Variants in CEP85L observed in about 807,000 individuals in gnomAD.
CEP85L encodes centrosomal protein 85L.
In CEP85L, 60 loss-of-function variants were observed where a neutral mutation model predicts 100.3. The observed-to-expected ratio is 0.60, with a 90% CI of 0.49 to 0.74. CEP85L has a LOEUF of 0.74. CEP85L is among the 30% of genes least tolerant of loss of function. CEP85L has a pLI of 0.00. For missense variants in CEP85L, 973 were observed against 936.2 expected (o/e 1.04, Z -0.51); for synonymous variants, 319 against 322.7 (o/e 0.99, Z 0.12).
chr6:118,614,445 G>A (rs1395162173), intron 2 of CEP85L, among the ~76,000 whole-genome samples: 1 of 152,188 alleles, frequency 6.6e-6, no homozygotes, highest in Non-Finnish European at 1.5e-5. Context: ...CTTATTTATA[G>A]ACAATGTGAT....
upstream of CEP85L, among the ~76,000 whole-genome samples, chr6:118,656,130 A>G (rs944585555): frequency 2.0e-5 from 3 of 152,220 alleles, no homozygotes; most frequent in Non-Finnish European, 4.4e-5. Flanking sequence ...GCGGTGGTAT[A>G]TGGTTTTCTT....
chr6:118,638,031 A>G (rs1200409211), intron 1 of CEP85L, among the ~76,000 whole-genome samples: 2 of 152,036 alleles, frequency 1.3e-5, no homozygotes, highest in East Asian at 1.9e-4. Context: ...ACTCCCATAC[A>G]CTGATAATGG....
At chr6:118,605,958 G>A (rs568575430) in intron 2 of CEP85L, among the ~76,000 whole-genome samples, 1 of 147,078 alleles carries the variant, frequency 6.8e-6, no homozygotes, top group Non-Finnish European at 1.5e-5. Flanking sequence ...AGGTTGCGGT[G>A]AGCCAAGATC....
At chr6:118,631,917 T>C (rs1774181045) in intron 2 of CEP85L, among the ~76,000 whole-genome samples, 1 of 152,204 alleles carries the variant, frequency 6.6e-6, no homozygotes, top group Non-Finnish European at 1.5e-5. Context: ...CTTAAAACTG[T>C]ATATAAATCT....
intron 2 of CEP85L, among the ~76,000 whole-genome samples, chr6:118,623,685 G>A (rs1773593225): frequency 6.6e-6 from 1 of 152,172 alleles, no homozygotes. Context: ...ATCAAAGGGG[G>A]CTCAGTCCAT....
chr6:118,584,702 C>G (rs767932689), intron 2 of CEP85L, among the ~76,000 whole-genome samples: 7 of 152,212 alleles, frequency 4.6e-5, no homozygotes, highest in Non-Finnish European at 8.8e-5. Context: ...AAAGGATGGC[C>G]AGCATGCCTC....
Position 118,671,736 on chromosome 6 carries a change from G to A in CEP85L, c.-27-18928C>T, listed in dbSNP as rs548899963. Reference sequence around the variant, plus strand: ...GTGGATCACTTGAGGTCAGGAGTTCGACACCAGCCTGGCCAACATGGTGAA... The same window carrying A: ...GTGGATCACTTGAGGTCAGGAGTTCAACACCAGCCTGGCCAACATGGTGAA... On this transcript the variant is annotated intron_variant, in intron 1 of 13. Coordinates refer to the CEP85L transcript ENST00000368488. 3.5e-4 allele frequency among the ~76,000 whole-genome samples: 54 copies of A among 152,180 alleles called. 1 individual carries two copies. Among genetic ancestry groups the A allele is most frequent in the South Asian group, 2.1e-3 (10 of 4,824 alleles).
chr6:118,528,730 T>C (rs1777116127), intron 3 of CEP85L, among the ~76,000 whole-genome samples: 1 of 152,178 alleles, frequency 6.6e-6, no homozygotes, highest in African/African-American at 2.4e-5. Context: ...CATTTTACCT[T>C]CTAAGGAGAA....
intron 3 of CEP85L, among the ~76,000 whole-genome samples, chr6:118,529,608 C>CAAA (rs55732442): frequency 3.9e-4 from 36 of 92,518 alleles, no homozygotes; most frequent in African/African-American, 6.9e-4. Flanking sequence ...ACTCTGTCTC[C>CAAA]AAAAAAAAAA....
At chr6:118,519,224 G>A (rs1425419499) in intron 4 of CEP85L, among the ~76,000 whole-genome samples, 2 of 152,058 alleles carry the variant, frequency 1.3e-5, no homozygotes, top group Non-Finnish European at 2.9e-5. Flanking sequence ...GGGAGGCCGA[G>A]GCGGGCAGAT....
chr6:118,652,564 C>G, upstream of CEP85L: 2 of 1,436,278 alleles, frequency 1.4e-6, no homozygotes, highest in African/African-American at 1.4e-5. Flanking sequence ...GCTTTGAGTT[C>G]CGCTTTTCCT....
At chr6:118,617,045 T>TA (rs1226141660) in intron 2 of CEP85L, among the ~76,000 whole-genome samples, 7 of 151,322 alleles carry the variant, frequency 4.6e-5, no homozygotes, top group Admixed American at 1.3e-4. Flanking sequence ...AAAATAAAAA[T>TA]AAAAAAAATT....
chr6:118,501,637 CA>C (rs1775308874), intron 5 of CEP85L: 4 of 630,648 alleles, frequency 6.3e-6, no homozygotes, highest in Admixed American at 5.9e-5. Flanking sequence ...AACCAGAGAC[CA>C]CTTATTATAA....
chr6:118,639,531 G>A (rs1774728904), intron 1 of CEP85L, among the ~76,000 whole-genome samples: 3 of 152,142 alleles, frequency 2.0e-5, no homozygotes, highest in Admixed American at 2.0e-4. Context: ...CACCTTAAGA[G>A]TCCTAGTTCA....
chr6:118,522,191 T>C (rs1171599081), intron 4 of CEP85L, among the ~76,000 whole-genome samples: 1 of 151,934 alleles, frequency 6.6e-6, no homozygotes, highest in Non-Finnish European at 1.5e-5. Flanking sequence ...AGAAACCCCG[T>C]CTCTACTAAA....
intron 3 of CEP85L, among the ~76,000 whole-genome samples, chr6:118,562,991 AG>A (rs1185973098): frequency 6.6e-6 from 1 of 152,140 alleles, no homozygotes. Context: ...TGGAAAGGGA[AG>A]GAGTCTTCCC....
Position 118,638,517 on chromosome 6 carries a change from A to G in CEP85L, c.74-5906T>C, listed in dbSNP as rs1407216492. On this transcript the variant is annotated intron_variant, in intron 1 of 12. Transcript: ENST00000368491. ...GTGATTTAATAAGGAAAATTTTCTCACAGAATAGTTACAAGACTATGTTAC... is the reference window on the plus strand; with the variant it reads ...GTGATTTAATAAGGAAAATTTTCTCGCAGAATAGTTACAAGACTATGTTAC... Among the ~76,000 whole-genome samples, 3 of 150,744 alleles carry G rather than the reference A, an allele frequency of 2.0e-5. No homozygotes were observed. In the South Asian group the frequency reaches 6.4e-4, roughly 32 times the overall value.
intron 2 of CEP85L, among the ~76,000 whole-genome samples, chr6:118,575,035 A>C (rs989500019): frequency 2.0e-5 from 3 of 152,086 alleles, no homozygotes; most frequent in African/African-American, 7.2e-5. Flanking sequence ...TAGTAAACAG[A>C]GGTTGAGCCC....
intron 6 of CEP85L, chr6:118,491,385 A>G: frequency 1.2e-6 from 1 of 808,030 alleles, no homozygotes; most frequent in Non-Finnish European, 1.6e-6. Flanking sequence ...CCAACATGAC[A>G]AAAAAAATGA....
Sources: allele counts gnomAD v4.1 joint callset (sites outside exome capture counted in the v4.1 genomes callset), GRCh38; gene constraint gnomAD v4.1.1; transcripts MANE v1.5; gene names NCBI Gene and HGNC (gene_info 2026-07-23, HGNC 2026-07-21).